The following ATP2B2 variants were observed in gnomAD, a reference collection of about 807,000 sequenced individuals.
ATP2B2 encodes plasma membrane calcium-transporting ATPase 2.
A neutral mutation model predicts 120.0 loss-of-function variants in ATP2B2; 15 were observed. That is an observed-to-expected ratio of 0.12 (90% CI 0.08 to 0.19). ATP2B2 has a LOEUF of 0.19. ATP2B2 is among the 10% of genes least tolerant of loss of function. The pLI is 1.00. For synonymous variants in ATP2B2, 694 were observed against 700.3 expected (o/e 0.99, Z 0.14); for missense variants, 1,045 against 1,719.8 (o/e 0.61, Z 6.94).
upstream of ATP2B2, among the ~76,000 whole-genome samples, chr3:10,507,887 T>C (rs1189187632): frequency 7.1e-6 from 1 of 140,404 alleles, no homozygotes; most frequent in East Asian, 2.3e-4. Flanking sequence ...AGACCAAACT[T>C]GTGACGGAGG....
At chr3:10,484,932 G>A (rs925855340) in intron 1 of ATP2B2, among the ~76,000 whole-genome samples, 1 of 152,234 alleles carries the variant, frequency 6.6e-6, no homozygotes, top group African/African-American at 2.4e-5. Context: ...GGCTGAAGCT[G>A]TTTCCTTTGC....
intron 5 of ATP2B2, among the ~76,000 whole-genome samples, chr3:10,393,583 C>G (rs768005713): frequency 2.0e-5 from 3 of 152,136 alleles, no homozygotes; most frequent in Non-Finnish European, 2.9e-5. Context: ...CTTTTTCCAC[C>G]TTGTGGACAA....
At chr3:10,397,273 T>C (rs987961429) in intron 5 of ATP2B2, among the ~76,000 whole-genome samples, 2 of 152,086 alleles carry the variant, frequency 1.3e-5, no homozygotes, top group Non-Finnish European at 2.9e-5. Flanking sequence ...GGCAAGAGGA[T>C]TGTTGCAGAA....
Position 10,405,978 on chromosome 3 carries a change from T to A in ATP2B2, c.398-3630A>T, listed in dbSNP as rs138341633. ...TGCTGTGTGACCTAGGACAAGTGCC[T>A]AGAGGTCTCTGAGCCAGGTAATCCT... On this transcript the variant is annotated intron_variant, in intron 3 of 22. Coordinates refer to ENST00000360273, the MANE Select transcript of ATP2B2 (RefSeq NM_001001331.4). Among the ~76,000 whole-genome samples the A allele has an allele frequency of 8.2e-4, 125 of 152,298 alleles. 1 individual carries two copies. The highest frequency in any genetic ancestry group is 2.9e-3 in the African/African-American group (120 of 41,562).
At chr3:10,581,252 G>A (rs1272954594) in intron 2 of ATP2B2, among the ~76,000 whole-genome samples, 1 of 152,224 alleles carries the variant, frequency 6.6e-6, no homozygotes, top group Non-Finnish European at 1.5e-5. Flanking sequence ...GATTCCACAA[G>A]TGCAAGAGAA....
At chr3:10,504,567 C>CG (rs1052104842) in intron 1 of ATP2B2, among the ~76,000 whole-genome samples, 1 of 151,932 alleles carries the variant, frequency 6.6e-6, no homozygotes, top group Non-Finnish European at 1.5e-5. Context: ...AGAGCACCCC[C>CG]CCAACCCCCA....
intron 1 of ATP2B2, among the ~76,000 whole-genome samples, chr3:10,465,493 TCTCCTGAATCCCAGGC>T (rs1356329854): frequency 6.6e-6 from 1 of 152,212 alleles, no homozygotes; most frequent in Admixed American, 6.5e-5. Context: ...ATTTCAAAAT[TCTCCTGAATCCCAGGC>T]CTCATGTCAT....
At chr3:10,401,189 CCTAGAGCT>C (rs1282509229) in intron 4 of ATP2B2, 111 bp from the exon 5 acceptor site, 1 of 1,413,550 alleles carries the variant, frequency 7.1e-7, no homozygotes, top group Non-Finnish European at 9.6e-7. Flanking sequence ...GGACAGAATG[CCTAGAGCT>C]CCCAGGGTGT....
chr3:10,411,329 C>T (rs2062603157), intron 2 of ATP2B2, among the ~76,000 whole-genome samples: 1 of 152,188 alleles, frequency 6.6e-6, no homozygotes, highest in South Asian at 2.1e-4. Flanking sequence ...GCCCTGCTGA[C>T]ACCTGATTTC....
At chr3:10,597,408 C>T (rs60219508) in intron 2 of ATP2B2, among the ~76,000 whole-genome samples, 10,371 of 152,210 alleles carry the variant, frequency 0.068, 497 homozygotes, top group Admixed American at 0.13. Context: ...CACACACAGG[C>T]ACAGTGTCTC....
intron 2 of ATP2B2, among the ~76,000 whole-genome samples, chr3:10,591,414 C>T (rs1451305432): frequency 6.6e-6 from 1 of 152,128 alleles, no homozygotes; most frequent in Non-Finnish European, 1.5e-5. Context: ...ACTAGCTGAC[C>T]CCCATGGCCT....
chr3:10,588,240 C>T (rs1462084577), intron 2 of ATP2B2, among the ~76,000 whole-genome samples: 2 of 152,198 alleles, frequency 1.3e-5, no homozygotes, highest in Non-Finnish European at 2.9e-5. Context: ...GCCAGCAGCA[C>T]CTCTCTAGTC....
In ATP2B2 at chr3:10,416,269, C is replaced by T. The variant is rs544350175; in HGVS notation, c.200-5454G>A. Among the ~76,000 whole-genome samples the T allele has an allele frequency of 7.9e-5, 12 of 152,298 alleles. No individual in the cohort carries two copies. The South Asian group carries it at 2.5e-3, about 32-fold the overall frequency. On this transcript the variant is annotated intron_variant, in intron 2 of 22. Transcript: ENST00000360273. The stretch of plus-strand genomic sequence containing the variant: ...TGCTGTCAGTGGGTATTTGAGGAGC[C>T]TTGGCCTCAAAGTGCATCTGTATCC...
At chr3:10,632,625 A>G (rs1160588455) in intron 1 of ATP2B2, among the ~76,000 whole-genome samples, 1 of 152,182 alleles carries the variant, frequency 6.6e-6, no homozygotes, top group Non-Finnish European at 1.5e-5. Context: ...CTTAGCATCG[A>G]GCTCTGGCCT....
At chr3:10,348,707 G>C (rs1176906889) in intron 16 of ATP2B2, among the ~76,000 whole-genome samples, 2 of 152,216 alleles carry the variant, frequency 1.3e-5, no homozygotes, top group African/African-American at 4.8e-5. Context: ...GTCCAAGTTA[G>C]AGGCAGTGTT....
chr3:10,337,941 T>C (rs530805887), intron 22 of ATP2B2, among the ~76,000 whole-genome samples: 26 of 152,236 alleles, frequency 1.7e-4, no homozygotes, highest in Non-Finnish European at 3.1e-4. Flanking sequence ...CCCCTACCAC[T>C]TCCCCGTGCT....
chr3:10,482,193 C>T (rs1210605988), intron 1 of ATP2B2, among the ~76,000 whole-genome samples: 1 of 152,196 alleles, frequency 6.6e-6, no homozygotes, highest in Non-Finnish European at 1.5e-5. Flanking sequence ...TTTACGTGCT[C>T]TGTCTCATGG....
intron 3 of ATP2B2, among the ~76,000 whole-genome samples, chr3:10,526,138 T>A (rs1051347422): frequency 6.6e-6 from 1 of 152,264 alleles, no homozygotes; most frequent in African/African-American, 2.4e-5. Flanking sequence ...AACAGGTGTG[T>A]GAGCCTTCCT....
chr3:10,404,175 G>A (rs2062330741), intron 3 of ATP2B2, among the ~76,000 whole-genome samples: 1 of 152,120 alleles, frequency 6.6e-6, no homozygotes, highest in East Asian at 1.9e-4. Flanking sequence ...CTGTGGCCCA[G>A]CTGCATGCAC....
Sources: gnomAD v4.1 joint callset for allele counts (sites outside exome capture counted in the v4.1 genomes callset) on GRCh38, gnomAD v4.1.1 for gene constraint, MANE v1.5 for transcripts, NCBI Gene and HGNC (gene_info 2026-07-23, HGNC 2026-07-21) for gene names.